WWOX: variants seen among roughly 807,000 people sequenced by gnomAD.
WWOX encodes WW domain-containing oxidoreductase.
In WWOX, 69 loss-of-function variants were observed where a neutral mutation model predicts 46.2. That is an observed-to-expected ratio of 1.49 (90% CI 1.23 to 1.82). The LOEUF (loss-of-function observed/expected upper bound fraction) is 1.82. Among genes scored for constraint, WWOX ranks in the 40% most tolerant of loss-of-function variants. The pLI is 0.00. For missense variants in WWOX, 919 were observed against 542.6 expected (o/e 1.69, Z -6.89); for synonymous variants, 359 against 202.6 (o/e 1.77, Z -6.56).
chr16:78,193,531 C>T (rs903537325), intron 5 of WWOX, among the ~76,000 whole-genome samples: 1 of 152,264 alleles, frequency 6.6e-6, no homozygotes, highest in Non-Finnish European at 1.5e-5. Flanking sequence ...ATGAATGGCA[C>T]AAGTAGGAAA....
chr16:79,192,533 C>G (rs1377223148), intron 8 of WWOX, among the ~76,000 whole-genome samples: 1 of 152,120 alleles, frequency 6.6e-6, no homozygotes, highest in Non-Finnish European at 1.5e-5. Flanking sequence ...TGAGGTTGTA[C>G]CTGGTAAGGT....
At chr16:78,469,932 C>G (rs148031817) in intron 8 of WWOX, among the ~76,000 whole-genome samples, 49 of 152,328 alleles carry the variant, frequency 3.2e-4, no homozygotes, top group African/African-American at 9.1e-4. Context: ...CTCAGGGATT[C>G]TAAGACATCT....
At chr16:78,351,965 G>A (rs1243690775) in intron 5 of WWOX, among the ~76,000 whole-genome samples, 4 of 152,134 alleles carry the variant, frequency 2.6e-5, no homozygotes, top group Admixed American at 6.5e-5. Context: ...CAGTATGTTT[G>A]TTTTTCTTCA....
intron 8 of WWOX, among the ~76,000 whole-genome samples, chr16:78,791,393 A>G (rs903827811): frequency 6.6e-6 from 1 of 152,174 alleles, no homozygotes; most frequent in African/African-American, 2.4e-5. Context: ...TGAGACTGGC[A>G]TGGGCAGTGG....
At chr16:78,361,860 C>G (rs767381669) in intron 5 of WWOX, among the ~76,000 whole-genome samples, 1 of 152,108 alleles carries the variant, frequency 6.6e-6, no homozygotes, top group Non-Finnish European at 1.5e-5. Context: ...GATCCTCCCA[C>G]CTCGGACTCC....
chr16:78,421,328 A>G (rs6564543), intron 6 of WWOX, among the ~76,000 whole-genome samples: 18,703 of 151,446 alleles, frequency 0.12, 3,409 homozygotes, highest in African/African-American at 0.4. Context: ...ACTGCCAGCC[A>G]CCCTTGGAAT....
chr16:78,529,679 G>C (rs1029480292), intron 8 of WWOX, among the ~76,000 whole-genome samples: 1 of 151,896 alleles, frequency 6.6e-6, no homozygotes, highest in Non-Finnish European at 1.5e-5. Flanking sequence ...GTGTTAGGCA[G>C]GATGGTCTCG....
chr16:78,161,777 C>T (rs879264894), intron 4 of WWOX, among the ~76,000 whole-genome samples: 4 of 152,086 alleles, frequency 2.6e-5, no homozygotes, highest in Non-Finnish European at 5.9e-5. Context: ...TGCTTTTCTT[C>T]TCCATTAGCT....
chr16:78,729,696 G>T (rs1026269408), intron 8 of WWOX, among the ~76,000 whole-genome samples: 11 of 152,184 alleles, frequency 7.2e-5, no homozygotes, highest in Non-Finnish European at 1.2e-4. Flanking sequence ...TTTCTGTTGT[G>T]TGTAGGCACC....
At chr16:78,446,610 G>C (rs964701868) in intron 8 of WWOX, among the ~76,000 whole-genome samples, 3 of 136,174 alleles carry the variant, frequency 2.2e-5, no homozygotes, top group African/African-American at 8.2e-5. Context: ...CTTATGATAT[G>C]TTTTTCTTAC....
intron 8 of WWOX, among the ~76,000 whole-genome samples, chr16:78,487,896 A>T (rs1477193054): frequency 6.6e-6 from 1 of 152,124 alleles, no homozygotes; most frequent in East Asian, 1.9e-4. Flanking sequence ...TCACCAAATT[A>T]ATGTCCGCCT....
intron 8 of WWOX, among the ~76,000 whole-genome samples, chr16:78,818,624 A>G (rs2051408270): frequency 6.6e-6 from 1 of 152,172 alleles, no homozygotes; most frequent in East Asian, 1.9e-4. Flanking sequence ...CTAGCTACTC[A>G]GGAGACTGAG....
rs538885682 is a variant in WWOX, at chr16:78,147,181, A to T, written c.410-17002A>T. Among the ~76,000 whole-genome samples the T allele has an allele frequency of 5.3e-5, 8 of 152,212 alleles. No homozygotes were observed. The South Asian group carries it at 1.7e-3, about 32-fold the overall frequency. On this transcript the variant is annotated intron_variant, in intron 4 of 8. Coordinates refer to ENST00000566780, the MANE Select transcript of WWOX (RefSeq NM_016373.4). ...TTTTTTGATTATCAGAGATACTTTT[A>T]AAAAAGCAACTACAAGGTAAGGATT...
At chr16:78,150,486 C>T (rs2034365897) in intron 4 of WWOX, among the ~76,000 whole-genome samples, 1 of 152,186 alleles carries the variant, frequency 6.6e-6, no homozygotes, top group Non-Finnish European at 1.5e-5. Flanking sequence ...TAAAGCCATC[C>T]TCCTGCCTCA....
intron 4 of WWOX, among the ~76,000 whole-genome samples, chr16:78,159,426 C>A (rs1046765394): frequency 3.3e-5 from 5 of 152,072 alleles, no homozygotes; most frequent in African/African-American, 1.2e-4. Context: ...ATTTACATTC[C>A]ACTAAGGAAT....
chr16:79,182,918 C>G (rs898449108), intron 8 of WWOX, among the ~76,000 whole-genome samples: 7 of 152,152 alleles, frequency 4.6e-5, no homozygotes, highest in Admixed American at 3.3e-4. Flanking sequence ...GATGAGCATC[C>G]TCAGAAAGTA....
intron 8 of WWOX, among the ~76,000 whole-genome samples, chr16:78,626,320 A>G (rs1265668858): frequency 6.6e-6 from 1 of 151,988 alleles, no homozygotes; most frequent in African/African-American, 2.4e-5. Flanking sequence ...ACCACATTTT[A>G]TTTAATTGTC....
At chr16:78,103,955 C>T (rs1209533887) in intron 1 of WWOX, among the ~76,000 whole-genome samples, 1 of 152,038 alleles carries the variant, frequency 6.6e-6, no homozygotes, top group Non-Finnish European at 1.5e-5. Context: ...GGGTGGGCTC[C>T]CAGGGGTGAG....
At chr16:79,182,271 C>T (rs1186089047) in intron 8 of WWOX, among the ~76,000 whole-genome samples, 1 of 152,038 alleles carries the variant, frequency 6.6e-6, no homozygotes, top group Non-Finnish European at 1.5e-5. Context: ...GTAGGGTATC[C>T]AGGATTCCTG....
Sources: gnomAD v4.1 joint callset for allele counts (sites outside exome capture counted in the v4.1 genomes callset) on GRCh38, gnomAD v4.1.1 for gene constraint, MANE v1.5 for transcripts, NCBI Gene and HGNC (gene_info 2026-07-23, HGNC 2026-07-21) for gene names.